CCDC62: variants seen among roughly 807,000 people sequenced by gnomAD.
CCDC62 encodes coiled-coil domain containing 62, also known as coiled-coil domain-containing protein 62.
A neutral mutation model predicts 80.8 loss-of-function variants in CCDC62; 72 were observed. The ratio of observed to expected loss-of-function variants is 0.89; its 90% CI spans 0.74 to 1.08. The LOEUF (loss-of-function observed/expected upper bound fraction) is 1.08. CCDC62 is among the 50% of genes least tolerant of loss of function. The pLI is 0.00. For missense variants in CCDC62, 704 were observed against 809.4 expected (o/e 0.87, Z 1.58); for synonymous variants, 286 against 296.5 (o/e 0.96, Z 0.36).
chr12:122,778,950 C>T (rs955269212), intron 2 of CCDC62, among the ~76,000 whole-genome samples: 1 of 152,176 alleles, frequency 6.6e-6, no homozygotes, highest in African/African-American at 2.4e-5. Flanking sequence ...TCTGATTTTA[C>T]TCTGACCACA....
chr12:122,801,504 C>T lies in CCDC62; in HGVS notation c.1358C>T (p.Pro453Leu). The T allele has an allele frequency of 2.5e-6, 4 of 1,614,106 alleles. No individual in the cohort carries two copies. The highest frequency in any genetic ancestry group is 3.4e-6 in the Non-Finnish European group (4 of 1,180,038). ...QNEGKQPSET[P>L]TLSDEKQWHD... ...GAAGGAAAACAACCCTCAGAAACACCCACTTTATCTGATGAGAAGCAGTGG... is the reference window on the plus strand; with the variant it reads ...GAAGGAAAACAACCCTCAGAAACACTCACTTTATCTGATGAGAAGCAGTGG... Residue 453 changes from proline to leucine, a missense_variant, in exon 9 of 13, where the codon CCC (proline) becomes CTC (leucine). Physicochemically the swap from Pro to Leu is moderately conservative, Grantham distance 98 (BLOSUM62 -3). Coordinates refer to ENST00000253079, the MANE Select transcript of CCDC62 (RefSeq NM_201435.5).
intron 4 of CCDC62, among the ~76,000 whole-genome samples, chr12:122,786,523 G>A (rs1025670006): frequency 1.3e-5 from 2 of 151,968 alleles, no homozygotes; most frequent in Non-Finnish European, 2.9e-5. Context: ...AATATACAAC[G>A]ATACACACTC....
chr12:122,784,518 T>C (rs546734732), intron 3 of CCDC62, among the ~76,000 whole-genome samples: 5 of 150,754 alleles, frequency 3.3e-5, no homozygotes, highest in Non-Finnish European at 5.9e-5. Flanking sequence ...AGACTCCGTC[T>C]CAAAAATAAT....
intron 5 of CCDC62, among the ~76,000 whole-genome samples, chr12:122,791,177 G>A (rs1301950886): frequency 6.6e-6 from 1 of 152,056 alleles, no homozygotes; most frequent in Non-Finnish European, 1.5e-5. Context: ...TTTCACTCTT[G>A]TCGCCCAGGC....
chr12:122,800,438 T>C (rs2031231936), intron 8 of CCDC62, among the ~76,000 whole-genome samples: 1 of 151,056 alleles, frequency 6.6e-6, no homozygotes, highest in Non-Finnish European at 1.5e-5. Flanking sequence ...TTTTTTTTTT[T>C]TTTTTGAGAT....
intron 2 of CCDC62, among the ~76,000 whole-genome samples, chr12:122,779,367 A>C (rs748231333): frequency 5.9e-5 from 9 of 152,170 alleles, no homozygotes; most frequent in Non-Finnish European, 1.3e-4. Context: ...GGCAGCATCT[A>C]GTGAAGCTGA....
At chr12:122,795,260 AG>A (rs2030867803) in intron 6 of CCDC62, among the ~76,000 whole-genome samples, 1 of 151,586 alleles carries the variant, frequency 6.6e-6, no homozygotes, top group Non-Finnish European at 1.5e-5. Context: ...TGTGTTGCCC[AG>A]GCTGGTCTCG....
intron 7 of CCDC62, among the ~76,000 whole-genome samples, chr12:122,797,603 T>C (rs1207735866): frequency 1.3e-5 from 2 of 152,170 alleles, no homozygotes; most frequent in Non-Finnish European, 2.9e-5. Context: ...TGCAATGGCC[T>C]GATCTCGGCT....
intron 10 of CCDC62, among the ~76,000 whole-genome samples, chr12:122,806,681 T>G (rs1055504456): frequency 3.9e-5 from 6 of 151,936 alleles, no homozygotes; most frequent in Non-Finnish European, 7.4e-5. Flanking sequence ...GGTCTCAATT[T>G]GTTGCCCAGT....
At chr12:122,824,287 G>A (rs1204049441) in intron 12 of CCDC62, among the ~76,000 whole-genome samples, 2 of 151,868 alleles carry the variant, frequency 1.3e-5, no homozygotes, top group Non-Finnish European at 2.9e-5. Context: ...ATGGTGGCGG[G>A]CACCTGTAAT....
At position 122,806,296 on chromosome 12, in the gene CCDC62, G is replaced by C; in HGVS notation, c.1851+1G>C. The C allele has an allele frequency of 6.2e-7, 1 of 1,604,202 alleles. No individual in the cohort carries two copies. Among genetic ancestry groups the C allele is most frequent in the Non-Finnish European group, 8.5e-7 (1 of 1,173,860 alleles). ...AGATGCACCAGCATTCAATGAAAAG[G>C]TTCGTATTTTGCTTAGACATCCCCA... is the stretch of plus-strand genomic sequence containing the variant. On this transcript the variant is annotated splice_donor_variant, in intron 10 of 12. Transcript: ENST00000253079. LOFTEE classifies it high-confidence loss of function.
chr12:122,801,642 A>G lies in CCDC62; in HGVS notation c.1496A>G (p.Gln499Arg). The change falls in exon 9 of 13, where the codon CAG becomes CGG. Residue 499 changes from glutamine to arginine, a missense_variant. Transcript: ENST00000253079. ...GAAAGGTCCGAAATCTCATGCTGCC[A>G]GAAAAATGAAGCCTGTCTGGGCGAA... Reference protein sequence around the residue: ...QMERSEISCCQKNEACLGESG... With the variant: ...QMERSEISCCRKNEACLGESG... 6.2e-7 allele frequency: 1 copy of G among 1,614,228 alleles called. No homozygotes were observed. The highest frequency in any genetic ancestry group is 8.5e-7 in the Non-Finnish European group (1 of 1,180,038).
intron 10 of CCDC62, among the ~76,000 whole-genome samples, chr12:122,808,565 C>T (rs1490532243): frequency 6.6e-6 from 1 of 151,536 alleles, no homozygotes; most frequent in African/African-American, 2.4e-5. Context: ...CTCACTCTGT[C>T]GCCCAAGCTG....
chr12:122,795,614 T>C (rs144155810), intron 6 of CCDC62, among the ~76,000 whole-genome samples: 3,442 of 152,076 alleles, frequency 0.023, 59 homozygotes, highest in African/African-American at 0.046. Context: ...TTAGTAGAGA[T>C]GGGGTTTCAC....
chr12:122,781,128 A>G (rs1879829402), intron 2 of CCDC62, 36 bp from the exon 3 acceptor site: 1 of 1,553,154 alleles, frequency 6.4e-7, no homozygotes. Context: ...TTTAAGCTGA[A>G]GGTGTGACTA....
intron 11 of CCDC62, among the ~76,000 whole-genome samples, chr12:122,818,324 G>A (rs190341345): frequency 3.2e-4 from 49 of 152,180 alleles, no homozygotes; most frequent in African/African-American, 1.2e-3. Context: ...GTGGTGGCGG[G>A]CGCCTGTAGT....
chr12:122,785,831 A>AGGAATACAAATATATATTTCTC lies in CCDC62; in HGVS notation c.498+11_498+12insGGAATACAAATATATATTTCTC, dbSNP rs768984297. ...ATGATAAAGCTAAAGGTAATCAAAA[A>AGGAATACAAATATATATTTCTC]TAAGAATTCCTCCATTTGCCAGAGT... On this transcript the variant is annotated intron_variant, in intron 4 of 12. Transcript: ENST00000253079. 1 of 1,561,914 alleles carries AGGAATACAAATATATATTTCTC rather than the reference A, an allele frequency of 6.4e-7. No homozygotes were observed. The highest frequency in any genetic ancestry group is 8.8e-7 in the Non-Finnish European group (1 of 1,132,654).
At chr12:122,790,945 A>C (rs1425054868) in intron 5 of CCDC62, among the ~76,000 whole-genome samples, 1 of 152,066 alleles carries the variant, frequency 6.6e-6, no homozygotes, top group Non-Finnish European at 1.5e-5. Flanking sequence ...GAGGACAAAA[A>C]CCACATCTAT....
chr12:122,785,717 A>G lies in CCDC62; in HGVS notation c.397-2A>G. 3.7e-6 allele frequency: 6 copies of G among 1,605,386 alleles called. No homozygotes were observed. Among genetic ancestry groups the G allele is most frequent in the Non-Finnish European group, 5.1e-6 (6 of 1,172,090 alleles). Reference sequence around the variant, plus strand: ...AGTATCATCTGTGTTGTTTTCTTGTAGGCTAGAAACGAAACTCTCAGCAAC... The same window carrying G: ...AGTATCATCTGTGTTGTTTTCTTGTGGGCTAGAAACGAAACTCTCAGCAAC... On this transcript the variant is annotated splice_acceptor_variant, in intron 3 of 12. Coordinates refer to ENST00000253079, the MANE Select transcript of CCDC62 (RefSeq NM_201435.5). LOFTEE classifies it high-confidence loss of function.
Sources: gnomAD v4.1 joint callset for allele counts (sites outside exome capture counted in the v4.1 genomes callset) on GRCh38, gnomAD v4.1.1 for gene constraint, MANE v1.5 for transcripts, NCBI Gene and HGNC (gene_info 2026-07-23, HGNC 2026-07-21) for gene names.